The following PHKB variants were observed in gnomAD, a reference collection of about 807,000 sequenced individuals.
PHKB encodes phosphorylase kinase regulatory subunit beta.
PHKB carries 122 observed loss-of-function variants against 152.1 expected under a neutral mutation model. The ratio of observed to expected loss-of-function variants is 0.80; its 90% CI spans 0.69 to 0.93. The LOEUF (loss-of-function observed/expected upper bound fraction) is 0.93. Ranked by LOEUF, PHKB falls within the 40% of genes least tolerant of loss-of-function variation. PHKB has a pLI of 0.00. For missense variants in PHKB, 1,304 were observed against 1,328.4 expected, an observed-to-expected ratio of 0.98 and a Z score of 0.29; for synonymous variants, 436 against 464.9, an observed-to-expected ratio of 0.94 and a Z score of 0.80.
intron 20 of PHKB, among the ~76,000 whole-genome samples, chr16:47,653,701 A>G (rs1292425300): frequency 6.6e-6 from 1 of 152,206 alleles, no homozygotes; most frequent in African/African-American, 2.4e-5. Flanking sequence ...CTTTTAAGAA[A>G]TATGTGGGCC....
intron 20 of PHKB, among the ~76,000 whole-genome samples, chr16:47,660,303 G>A (rs1286600056): frequency 6.6e-6 from 1 of 152,092 alleles, no homozygotes; most frequent in Admixed American, 6.5e-5. Context: ...GTAACGATGT[G>A]TATATTCTAT....
intron 26 of PHKB, among the ~76,000 whole-genome samples, chr16:47,670,268 A>G (rs1451821677): frequency 6.6e-6 from 1 of 152,226 alleles, no homozygotes; most frequent in Non-Finnish European, 1.5e-5. Flanking sequence ...GGTGTTTCTC[A>G]AGTGTTTGAA....
At chr16:47,672,101 A>C (rs1973648505) in intron 26 of PHKB, among the ~76,000 whole-genome samples, 1 of 152,122 alleles carries the variant, frequency 6.6e-6, no homozygotes, top group Non-Finnish European at 1.5e-5. Flanking sequence ...AAATTACTTT[A>C]GCTTATTATT....
chr16:47,664,889 G>A lies in PHKB; in HGVS notation c.2341G>A (p.Ala781Thr), dbSNP rs991546703. Residue 781 changes from alanine to threonine, a missense_variant, in exon 25 of 31, where the codon GCG (alanine) becomes ACG (threonine). Physicochemically the swap from Ala to Thr is moderately conservative, Grantham distance 58. Coordinates refer to ENST00000323584, the MANE Select transcript of PHKB (RefSeq NM_000293.3). ...RRAGSQKLWL[A>T]VRYGAAFTQK... is the part of the protein sequence containing the mutation. Reference sequence around the variant, plus strand: ...GCTTTCCACTGACACACCCAGGTTGGCGGTGCGCTACGGGGCTGCATTTAC... The same window carrying A: ...GCTTTCCACTGACACACCCAGGTTGACGGTGCGCTACGGGGCTGCATTTAC... 6.2e-7 allele frequency: 1 copy of A among 1,612,062 alleles called. No homozygotes were observed. The highest frequency in any genetic ancestry group is 1.3e-5 in the African/African-American group (1 of 74,858).
intron 29 of PHKB, among the ~76,000 whole-genome samples, chr16:47,696,789 G>GT (rs1452055883): frequency 6.6e-6 from 1 of 152,122 alleles, no homozygotes; most frequent in Admixed American, 6.5e-5. Flanking sequence ...AGCATCAAGT[G>GT]TATCAGCCAC....
chr16:47,527,919 A>G (rs897138275), intron 6 of PHKB, among the ~76,000 whole-genome samples: 18 of 152,232 alleles, frequency 1.2e-4, no homozygotes, highest in African/African-American at 4.1e-4. Flanking sequence ...AGGAGAAACC[A>G]GACCTGCCAA....
intron 6 of PHKB, among the ~76,000 whole-genome samples, chr16:47,528,988 C>G (rs73549322): frequency 3.9e-5 from 6 of 152,174 alleles, no homozygotes; most frequent in African/African-American, 1.4e-4. Flanking sequence ...GGAACCATGC[C>G]TGGCCAGGAT....
chr16:47,672,414 T>C (rs1973652663), intron 26 of PHKB, among the ~76,000 whole-genome samples: 1 of 152,156 alleles, frequency 6.6e-6, no homozygotes, highest in South Asian at 2.1e-4. Context: ...AGAAATGTGA[T>C]TCTCCATCTC....
intron 20 of PHKB, among the ~76,000 whole-genome samples, chr16:47,656,892 T>C (rs1455476976): frequency 1.3e-5 from 2 of 152,202 alleles, no homozygotes; most frequent in Admixed American, 1.3e-4. Context: ...AGCCATGCTT[T>C]CCATGCCCCA....
intron 1 of PHKB, among the ~76,000 whole-genome samples, chr16:47,496,303 A>G (rs1182357734): frequency 6.6e-6 from 1 of 151,394 alleles, no homozygotes; most frequent in South Asian, 2.1e-4. Flanking sequence ...TCAACAAAAG[A>G]TAATGAGACT....
chr16:47,659,871 T>C (rs1973406855), intron 20 of PHKB, among the ~76,000 whole-genome samples: 1 of 152,202 alleles, frequency 6.6e-6, no homozygotes, highest in African/African-American at 2.4e-5. Flanking sequence ...TTTATTTATT[T>C]ATTTATTTTT....
chr16:47,604,973 T>G lies in PHKB; in HGVS notation c.1364-5853T>G, dbSNP rs139779964. ...TGTTGGATATAAGTTCTTTCAGGAT[T>G]GTCACTCTTCACCAGAAAATCAGTT... On this transcript the variant is annotated intron_variant, in intron 13 of 30. Transcript: ENST00000323584. Among the ~76,000 whole-genome samples the G allele has an allele frequency of 1.5e-4, 23 of 152,322 alleles. No individual in the cohort carries two copies. The East Asian group carries it at 4.4e-3, about 29-fold the overall frequency.
At chr16:47,654,234 C>A (rs1021349205) in intron 20 of PHKB, among the ~76,000 whole-genome samples, 4 of 152,130 alleles carry the variant, frequency 2.6e-5, no homozygotes, top group African/African-American at 9.7e-5. Flanking sequence ...GAGAAATGCA[C>A]ATCAAAACCA....
intron 1 of PHKB, among the ~76,000 whole-genome samples, chr16:47,461,910 C>T (rs1037996628): frequency 6.6e-6 from 1 of 152,194 alleles, no homozygotes; most frequent in African/African-American, 2.4e-5. Context: ...CCCACAGGTT[C>T]TAAGCAGTAG....
chr16:47,617,276 A>T (rs1296180749), intron 14 of PHKB, among the ~76,000 whole-genome samples: 1 of 148,648 alleles, frequency 6.7e-6, no homozygotes, highest in African/African-American at 2.4e-5. Flanking sequence ...ATTTTTTTAT[A>T]TATTTACATA....
At position 47,700,782 on chromosome 16, in the gene PHKB, A is replaced by G. The variant is rs1483343192; in HGVS notation, c.*1416A>G. Reference sequence around the variant, plus strand: ...ATTTGTCACATAAAAAATGCAGCTTATTTGTAGTGTTTTGAAAGGATGTAA... The same window carrying G: ...ATTTGTCACATAAAAAATGCAGCTTGTTTGTAGTGTTTTGAAAGGATGTAA... On this transcript the variant is annotated 3_prime_UTR_variant, in exon 31 of 31. Transcript: ENST00000323584. 6.6e-6 allele frequency: 1 copy of G among 152,140 alleles called. No individual in the cohort carries two copies. 9.4% of individuals were successfully genotyped at this position (152,140 alleles called of 1,614,324 possible).
chr16:47,685,767 A>T (rs1973953991), intron 26 of PHKB, among the ~76,000 whole-genome samples: 3 of 148,592 alleles, frequency 2.0e-5, no homozygotes, highest in Non-Finnish European at 4.5e-5. Flanking sequence ...TTTGAGACAG[A>T]GTCTCACTCT....
intron 1 of PHKB, among the ~76,000 whole-genome samples, chr16:47,486,216 T>C (rs1970047105): frequency 1.3e-5 from 2 of 152,164 alleles, no homozygotes. Context: ...AATTAACTGC[T>C]GTGGGAATTA....
At chr16:47,685,087 T>A (rs751556271) in intron 26 of PHKB, among the ~76,000 whole-genome samples, 10 of 152,278 alleles carry the variant, frequency 6.6e-5, no homozygotes, top group Non-Finnish European at 1.3e-4. Context: ...CCTTCCTTCC[T>A]TCCATCCATC....
Sources: allele counts gnomAD v4.1 joint callset (sites outside exome capture counted in the v4.1 genomes callset), GRCh38; gene constraint gnomAD v4.1.1; transcripts MANE v1.5; gene names NCBI Gene and HGNC (gene_info 2026-07-23, HGNC 2026-07-21).